Variants in DPP6 observed in about 807,000 individuals in gnomAD.
The protein encoded by DPP6 is dipeptidyl peptidase like 6.
A neutral mutation model predicts 122.6 loss-of-function variants in DPP6; 69 were observed. The observed-to-expected ratio is 0.56, with a 90% CI of 0.46 to 0.69. The LOEUF (loss-of-function observed/expected upper bound fraction) is 0.69, where lower values mean the gene tolerates loss of function less well. Among genes scored for constraint, DPP6 ranks in the 30% least tolerant of loss-of-function variants. The pLI, the probability that DPP6 is intolerant of heterozygous loss-of-function variation, is 0.00. For missense variants in DPP6, 928 were observed against 1,116.9 expected (o/e 0.83, Z 2.41); for synonymous variants, 418 against 433.1 (o/e 0.97, Z 0.43).
intron 1 of DPP6, among the ~76,000 whole-genome samples, chr7:154,184,995 C>T (rs1275186552): frequency 6.6e-6 from 1 of 152,168 alleles, no homozygotes; most frequent in Non-Finnish European, 1.5e-5. Context: ...CGATTTAAGT[C>T]TTGAATGTGA....
intron 1 of DPP6, among the ~76,000 whole-genome samples, chr7:153,927,568 G>A (rs989433530): frequency 2.0e-5 from 3 of 152,214 alleles, no homozygotes; most frequent in African/African-American, 7.2e-5. Context: ...ATGCCCAGAA[G>A]ATATGGCCAA....
At chr7:154,367,632 C>T (rs538684662) in intron 1 of DPP6, among the ~76,000 whole-genome samples, 1 of 152,234 alleles carries the variant, frequency 6.6e-6, no homozygotes, top group South Asian at 2.1e-4. Flanking sequence ...TTACTAGAGT[C>T]TCATTTTTTA....
At chr7:154,324,106 G>A (rs186514058) in intron 1 of DPP6, among the ~76,000 whole-genome samples, 3 of 152,238 alleles carry the variant, frequency 2.0e-5, no homozygotes, top group East Asian at 1.9e-4. Flanking sequence ...GGTGGGGTTC[G>A]TGGAAAAATA....
At chr7:154,730,693 G>A (rs1204495442) in intron 8 of DPP6, among the ~76,000 whole-genome samples, 1 of 152,176 alleles carries the variant, frequency 6.6e-6, no homozygotes, top group Non-Finnish European at 1.5e-5. Flanking sequence ...ATTCAAGAGA[G>A]ATCAGTGCAA....
chr7:154,401,348 C>G (rs1449329567), intron 1 of DPP6, among the ~76,000 whole-genome samples: 1 of 152,140 alleles, frequency 6.6e-6, no homozygotes, highest in Non-Finnish European at 1.5e-5. Flanking sequence ...ATAATGACAA[C>G]TTTGGAAAAT....
Position 154,214,655 on chromosome 7 carries a change from A to T in DPP6, c.243+161592A>T, listed in dbSNP as rs538235441. Among the ~76,000 whole-genome samples the T allele has an allele frequency of 7.2e-5, 11 of 152,314 alleles. No homozygotes were observed. The South Asian group carries it at 2.3e-3, about 32-fold the overall frequency. ...ATCTTCACTGGGCATGGTGGCTCAC[A>T]CCTGTAATTCCAACACTTTGGGAGG... On this transcript the variant is annotated intron_variant, in intron 1 of 25. Coordinates refer to ENST00000377770, the MANE Select transcript of DPP6 (RefSeq NM_130797.4).
intron 16 of DPP6, among the ~76,000 whole-genome samples, chr7:154,808,410 A>T (rs1798833737): frequency 1.3e-5 from 2 of 152,140 alleles, no homozygotes; most frequent in South Asian, 4.1e-4. Context: ...CTGAAATATA[A>T]CATTAGTGCC....
At chr7:154,423,389 C>G (rs1275435094) in intron 1 of DPP6, among the ~76,000 whole-genome samples, 1 of 152,152 alleles carries the variant, frequency 6.6e-6, no homozygotes, top group Non-Finnish European at 1.5e-5. Flanking sequence ...CACAGAGGCT[C>G]TGTCCTCAGG....
intron 1 of DPP6, among the ~76,000 whole-genome samples, chr7:154,114,704 G>A (rs566622826): frequency 6.6e-6 from 1 of 152,192 alleles, no homozygotes; most frequent in South Asian, 2.1e-4. Flanking sequence ...TCTCCATACT[G>A]ATGTTATAAT....
chr7:153,943,720 A>T (rs561060849), intron 1 of DPP6, among the ~76,000 whole-genome samples: 20 of 152,306 alleles, frequency 1.3e-4, no homozygotes, highest in Middle Eastern at 3.4e-3. Context: ...TTCATTGCTT[A>T]TTGCCAGAAA....
chr7:153,898,502 A>G (rs1348770284), intron 1 of DPP6, among the ~76,000 whole-genome samples: 2 of 152,218 alleles, frequency 1.3e-5, no homozygotes, highest in East Asian at 3.9e-4. Flanking sequence ...TCCCAACGTG[A>G]AAAAATGATC....
chr7:154,444,266 G>T (rs143892733), intron 1 of DPP6, among the ~76,000 whole-genome samples: 9 of 151,614 alleles, frequency 5.9e-5, no homozygotes, highest in Non-Finnish European at 1.2e-4. Flanking sequence ...GACCATTCTG[G>T]CTAACATGGT....
intron 16 of DPP6, among the ~76,000 whole-genome samples, chr7:154,834,871 C>T (rs879285552): frequency 3.3e-5 from 5 of 152,160 alleles, no homozygotes; most frequent in Admixed American, 2.0e-4. Context: ...GAGACACTGC[C>T]GCAGGGCACC....
chr7:153,908,380 G>T (rs1011991420), intron 1 of DPP6, among the ~76,000 whole-genome samples: 2 of 152,030 alleles, frequency 1.3e-5, no homozygotes, highest in Non-Finnish European at 2.9e-5. Flanking sequence ...AGCTGGATAG[G>T]AACAAAATCC....
rs563663055 is a variant in DPP6, at chr7:153,944,700, G to A, written c.51+56966G>A. 1.4e-4 allele frequency among the ~76,000 whole-genome samples: 16 copies of A among 112,138 alleles called. No individual in the cohort carries two copies. In the South Asian group the frequency reaches 4.4e-3, roughly 31 times the overall value. The allele number at this position is 112,138 out of a possible 152,430, so 73.6% of individuals were successfully genotyped here. On this transcript the variant is annotated intron_variant, in intron 1 of 25. Transcript: ENST00000404039. ...TTTTTTTTTTTTGAGACAGAATTTC[G>A]GCCCACTGCAACCTCTGCCTCCCGT...
intron 3 of DPP6, among the ~76,000 whole-genome samples, chr7:154,508,567 C>G (rs1487427911): frequency 6.6e-6 from 1 of 152,186 alleles, no homozygotes; most frequent in Non-Finnish European, 1.5e-5. Context: ...CCCCATCTAA[C>G]TGCCAGAGAG....
At position 154,012,084 on chromosome 7, in the gene DPP6, A is replaced by G. The variant is rs370629904; in HGVS notation, c.51+124350A>G. On this transcript the variant is annotated intron_variant, in intron 1 of 25. Transcript: ENST00000404039. ...TTATCTCCATTTCACAAATGGTACA[A>G]CTGAGGCTCAGAAACATTAAGCAAC... is the stretch of plus-strand genomic sequence containing the variant. 2.3e-4 allele frequency among the ~76,000 whole-genome samples: 35 copies of G among 152,336 alleles called. No individual in the cohort carries two copies. The East Asian group carries it at 6.0e-3, about 26-fold the overall frequency.
intron 7 of DPP6, among the ~76,000 whole-genome samples, chr7:154,682,878 A>G (rs1215834804): frequency 6.6e-6 from 1 of 152,164 alleles, no homozygotes; most frequent in African/African-American, 2.4e-5. Context: ...GATAGACGTG[A>G]GCACAGATAA....
At chr7:154,553,902 C>CA (rs56020996) in intron 4 of DPP6, among the ~76,000 whole-genome samples, 4,470 of 102,788 alleles carry the variant, frequency 0.043, 112 homozygotes, top group African/African-American at 0.073. Flanking sequence ...AGCCTAATGC[C>CA]AAAAAAAAAA....
Sources: gnomAD v4.1 joint callset for allele counts (sites outside exome capture counted in the v4.1 genomes callset) on GRCh38, gnomAD v4.1.1 for gene constraint, MANE v1.5 for transcripts, NCBI Gene and HGNC (gene_info 2026-07-23, HGNC 2026-07-21) for gene names.